TANC2: variants seen among roughly 807,000 people sequenced by gnomAD.
The protein encoded by TANC2 is tetratricopeptide repeat, ankyrin repeat and coiled-coil containing 2.
In TANC2, 26 loss-of-function variants were observed where a neutral mutation model predicts 210.5. The observed-to-expected ratio is 0.12, with a 90% CI of 0.09 to 0.17. The LOEUF is 0.17. Ranked by LOEUF, TANC2 falls within the 10% of genes least tolerant of loss-of-function variation. TANC2 has a pLI of 1.00. For missense variants in TANC2, 2,129 were observed against 2,608.9 expected (o/e 0.82, Z 4.01); for synonymous variants, 931 against 967.1 (o/e 0.96, Z 0.69).
At chr17:63,020,966 G>C (rs555076303) in intron 2 of TANC2, among the ~76,000 whole-genome samples, 27 of 152,116 alleles carry the variant, frequency 1.8e-4, no homozygotes, top group African/African-American at 6.3e-4. Context: ...TTACATGAAC[G>C]AATTAAGTAG....
Position 63,018,782 on chromosome 17 carries a change from A to T in TANC2, c.67+9156A>T, listed in dbSNP as rs77122531. On this transcript the variant is annotated intron_variant, in intron 2 of 27. Transcript: ENST00000689528. ...ATTTGAAAAATTTTATCACTTCAAGAATGTTATATAAATGAGTTGTACAGT... is the reference window on the plus strand; with the variant it reads ...ATTTGAAAAATTTTATCACTTCAAGTATGTTATATAAATGAGTTGTACAGT... 1.8e-3 allele frequency among the ~76,000 whole-genome samples: 269 copies of T among 152,342 alleles called. 8 individuals are homozygous for T. In the East Asian group the frequency reaches 0.047, roughly 27 times the overall value.
At chr17:63,353,903 A>G (rs1347239707) in intron 13 of TANC2, among the ~76,000 whole-genome samples, 1 of 152,152 alleles carries the variant, frequency 6.6e-6, no homozygotes, top group African/African-American at 2.4e-5. Flanking sequence ...GACAAGAACC[A>G]TTTCAGTGAG....
chr17:63,247,071 C>G (rs181427973), intron 8 of TANC2, among the ~76,000 whole-genome samples: 2 of 152,060 alleles, frequency 1.3e-5, no homozygotes, highest in East Asian at 3.9e-4. Context: ...GTATTGTTAT[C>G]TATTCATTTA....
Position 62,979,361 on chromosome 17 carries a change from A to G in TANC2, c.-24+12612A>G, listed in dbSNP as rs138593141. Among the ~76,000 whole-genome samples, 36 of 152,014 alleles carry G rather than the reference A, an allele frequency of 2.4e-4. No individual in the cohort carries two copies. The East Asian group carries it at 6.4e-3, about 27-fold the overall frequency. On this transcript the variant is annotated intron_variant, in intron 1 of 27. Coordinates refer to ENST00000689528, the Ensembl canonical transcript of TANC2. Reference sequence around the variant, plus strand: ...GTAAAGATCTTTTACCTTATTTTGCAATAGCATGTTAACAGTTTTGGTCTG... The same window carrying G: ...GTAAAGATCTTTTACCTTATTTTGCGATAGCATGTTAACAGTTTTGGTCTG...
intron 9 of TANC2, among the ~76,000 whole-genome samples, chr17:63,269,149 T>C (rs953616410): frequency 2.0e-5 from 3 of 152,144 alleles, no homozygotes; most frequent in African/African-American, 7.2e-5. Context: ...GCAAACAGGA[T>C]TTTAAAATAA....
intron 7 of TANC2, among the ~76,000 whole-genome samples, chr17:63,223,777 G>A (rs372693268): frequency 4.6e-5 from 7 of 151,938 alleles, no homozygotes; most frequent in Non-Finnish European, 8.8e-5. Context: ...GGTCATCTTC[G>A]TCACCCTCTT....
intron 1 of TANC2, among the ~76,000 whole-genome samples, chr17:62,977,386 C>T (rs923311922): frequency 4.6e-5 from 7 of 152,124 alleles, no homozygotes. Context: ...AAGAATAGTT[C>T]ATCCTGAAGA....
At chr17:63,401,326 T>C (rs1200101964) in intron 19 of TANC2, among the ~76,000 whole-genome samples, 3 of 152,198 alleles carry the variant, frequency 2.0e-5, no homozygotes, top group African/African-American at 7.2e-5. Context: ...TCCTATAATA[T>C]GTATCACTTA....
intron 14 of TANC2, among the ~76,000 whole-genome samples, chr17:63,373,366 G>A: frequency 6.6e-6 from 1 of 152,230 alleles, no homozygotes; most frequent in Non-Finnish European, 1.5e-5. Flanking sequence ...TAAAATTAAA[G>A]AATTCAGAGT....
At chr17:63,147,718 A>C (rs1399177188) in intron 4 of TANC2, among the ~76,000 whole-genome samples, 1 of 152,206 alleles carries the variant, frequency 6.6e-6, no homozygotes, top group Non-Finnish European at 1.5e-5. Flanking sequence ...TTTAACTTCC[A>C]TTCTGTACCA....
chr17:63,233,463 G>A (rs1386801709), intron 7 of TANC2, among the ~76,000 whole-genome samples: 1 of 152,178 alleles, frequency 6.6e-6, no homozygotes, highest in African/African-American at 2.4e-5. Context: ...CCTTGGCTGG[G>A]GGTGGGAGCT....
exon 6 of TANC2, chr17:63,194,011 G>A: frequency 6.2e-7 from 1 of 1,612,882 alleles, no homozygotes. Context: ...ACAGGAGCTT[G>A]GCCCCCCTCC....
intron 21 of TANC2, among the ~76,000 whole-genome samples, chr17:63,410,481 G>A (rs1244470634): frequency 6.6e-6 from 1 of 152,006 alleles, no homozygotes; most frequent in African/African-American, 2.4e-5. Flanking sequence ...CCTGGGGAGG[G>A]AGAAGGGGCC....
At chr17:63,185,847 T>C (rs1021620408) in intron 5 of TANC2, among the ~76,000 whole-genome samples, 3 of 152,216 alleles carry the variant, frequency 2.0e-5, no homozygotes, top group Non-Finnish European at 4.4e-5. Flanking sequence ...TTGGATTGTC[T>C]TTCTTGTTGA....
At chr17:63,085,719 T>A (rs953384645) in intron 3 of TANC2, among the ~76,000 whole-genome samples, 2 of 152,136 alleles carry the variant, frequency 1.3e-5, no homozygotes, top group African/African-American at 4.8e-5. Context: ...ATTATACATA[T>A]ACACATAGCA....
chr17:63,194,053 A>T, exon 6 of TANC2: 1 of 1,613,112 alleles, frequency 6.2e-7, no homozygotes, highest in Non-Finnish European at 8.5e-7. Flanking sequence ...CACACTCATG[A>T]CTCGTCTGGG....
At position 62,987,235 on chromosome 17, in the gene TANC2, C is replaced by T. The variant is rs73991863; in HGVS notation, c.-24+20486C>T. ...CAGAGTCACAGCTATTCCTGGGCCC[C>T]GACTTTGTGCTCCTGGGGTCGTGGT... On this transcript the variant is annotated intron_variant, in intron 1 of 27. Coordinates refer to ENST00000689528, the Ensembl canonical transcript of TANC2. Among the ~76,000 whole-genome samples the T allele has an allele frequency of 7.7e-4, 117 of 152,186 alleles. 1 individual carries two copies. The highest frequency in any genetic ancestry group is 2.7e-3 in the African/African-American group (113 of 41,526).
chr17:63,413,617 G>A, exon 25 of TANC2: 1 of 1,599,314 alleles, frequency 6.3e-7, no homozygotes, highest in Non-Finnish European at 8.5e-7. Flanking sequence ...GATGGAAGAG[G>A]GGGACATGTT....
chr17:63,419,394 C>G (rs1029761705), intron 27 of TANC2, among the ~76,000 whole-genome samples: 2 of 152,160 alleles, frequency 1.3e-5, no homozygotes, highest in Non-Finnish European at 2.9e-5. Context: ...AAATTAGAGT[C>G]TCCTTGGAGT....
Sources: gnomAD v4.1 joint callset for allele counts (sites outside exome capture counted in the v4.1 genomes callset) on GRCh38, gnomAD v4.1.1 for gene constraint, MANE v1.5 for transcripts, NCBI Gene and HGNC (gene_info 2026-07-23, HGNC 2026-07-21) for gene names.